POGLUT1: variants seen among roughly 807,000 people sequenced by gnomAD.
The protein encoded by POGLUT1 is protein O-glucosyltransferase 1.
POGLUT1 carries 32 observed loss-of-function variants against 61.3 expected under a neutral mutation model. The ratio of observed to expected loss-of-function variants is 0.52; its 90% confidence interval spans 0.39 to 0.70. POGLUT1 has a LOEUF of 0.70. POGLUT1 is among the 30% of genes least tolerant of loss of function. POGLUT1 has a pLI of 0.00. For synonymous variants in POGLUT1, 158 were observed against 158.2 expected (o/e 1.00, Z 0.01); for missense variants, 411 against 469.8 (o/e 0.87, Z 1.16).
chr3:119,482,213 G>A (rs373003950), intron 5 of POGLUT1, among the ~76,000 whole-genome samples: 3 of 152,060 alleles, frequency 2.0e-5, no homozygotes, highest in East Asian at 3.9e-4. Context: ...CCATGCAGCT[G>A]CTTTGTTTTC....
rs1453603805 is a variant in POGLUT1, at chr3:119,477,410, T to C, written c.418T>C (p.Trp140Arg). Reference sequence around the variant, plus strand: ...ACGAGATTATCCTCAGGTTCCTAAATGGATGGAGCCTGCCATCCCAGTCTT... The same window carrying C: ...ACGAGATTATCCTCAGGTTCCTAAACGGATGGAGCCTGCCATCCCAGTCTT... Reference protein sequence around the residue: ...NVRDYPQVPKWMEPAIPVFSF... With the variant: ...NVRDYPQVPKRMEPAIPVFSF... Residue 140 changes from tryptophan to arginine, a missense_variant, in exon 4 of 11, where the codon TGG (tryptophan) becomes CGG (arginine). Coordinates refer to ENST00000295588, the MANE Select transcript of POGLUT1 (RefSeq NM_152305.3). The C allele has an allele frequency of 1.2e-6, 2 of 1,614,120 alleles. No individual in the cohort carries two copies. The highest frequency in any genetic ancestry group is 1.7e-6 in the Non-Finnish European group (2 of 1,179,932).
intron 9 of POGLUT1, 106 bp downstream of exon 9, chr3:119,490,824 A>AT (rs1192800864): frequency 3.3e-6 from 3 of 922,556 alleles, no homozygotes; most frequent in South Asian, 1.9e-5. Context: ...TAGTCCTACG[A>AT]TTTTTTTCCA....
intron 4 of POGLUT1, chr3:119,478,559 G>T (rs1029954894): frequency 2.8e-6 from 1 of 360,618 alleles, no homozygotes; most frequent in Admixed American, 3.8e-5. Context: ...CTAACTTTCC[G>T]TTCATCTTTA....
chr3:119,485,619 A>G (rs2081655891), intron 6 of POGLUT1, among the ~76,000 whole-genome samples: 1 of 152,252 alleles, frequency 6.6e-6, no homozygotes. Flanking sequence ...CATTTAACAG[A>G]TATTTTACAT....
At chr3:119,476,332 T>C (rs1381996736) in intron 3 of POGLUT1, among the ~76,000 whole-genome samples, 1 of 152,194 alleles carries the variant, frequency 6.6e-6, no homozygotes, top group African/African-American at 2.4e-5. Context: ...ATTGGTAAAA[T>C]TGGTATCTAG....
rs1300579820 is a variant in POGLUT1 at position 119,486,877 on chromosome 3, A to T, written c.683A>T (p.Asn228Ile). The change falls in exon 7 of 11, where the codon AAC (asparagine) becomes ATC (isoleucine). Residue 228 changes from asparagine to isoleucine, a missense_variant. Asn to Ile is a moderately radical substitution (Grantham distance 149). Coordinates refer to ENST00000295588, the MANE Select transcript of POGLUT1 (RefSeq NM_152305.3). Reference sequence around the variant, plus strand: ...CCTCTCATTCTTCTGTCTCGGAAAAACCCAAAACTTGTTGATGCAGAATAC... The same window carrying T: ...CCTCTCATTCTTCTGTCTCGGAAAATCCCAAAACTTGTTGATGCAGAATAC... ...RDPLILLSRK[N>I]PKLVDAEYTK... is the part of the protein sequence containing the mutation. The T allele has an allele frequency of 3.7e-6, 6 of 1,613,854 alleles. No individual in the cohort carries two copies. The East Asian group carries it at 8.9e-5, about 24-fold the overall frequency.
At chr3:119,471,856 G>A (rs1424066472) in intron 3 of POGLUT1, 2 of 241,414 alleles carry the variant, frequency 8.3e-6, no homozygotes, top group Admixed American at 5.6e-5. Context: ...AGGTGGTAGA[G>A]TCAAGAGGAG....
chr3:119,489,709 C>G (rs1427204007), intron 8 of POGLUT1: 1 of 152,124 alleles, frequency 6.6e-6, no homozygotes, highest in Non-Finnish European at 1.5e-5. Flanking sequence ...GGGTCCCCAA[C>G]CCCCTGCCAT....
At chr3:119,478,074 A>C (rs781391164) in intron 4 of POGLUT1, 24 of 320,840 alleles carry the variant, frequency 7.5e-5, no homozygotes, top group Non-Finnish European at 1.4e-4. Context: ...GGGGGCAAGG[A>C]ATGTCTTGTC....
intron 3 of POGLUT1, among the ~76,000 whole-genome samples, chr3:119,473,659 A>G (rs1577077151): frequency 6.6e-6 from 1 of 150,420 alleles, no homozygotes; most frequent in African/African-American, 2.5e-5. Context: ...ACGTCTAGAT[A>G]CTTTTTTTTT....
At chr3:119,480,405 C>T (rs1373237640) in intron 5 of POGLUT1, among the ~76,000 whole-genome samples, 1 of 151,968 alleles carries the variant, frequency 6.6e-6, no homozygotes, top group African/African-American at 2.4e-5. Flanking sequence ...TGTGCCACCA[C>T]ACCCGGCTAA....
At chr3:119,478,547 T>A in intron 4 of POGLUT1, 1 of 376,798 alleles carries the variant, frequency 2.7e-6, no homozygotes, top group South Asian at 2.0e-5. Flanking sequence ...ACCGTCGGTA[T>A]ACTAACTTTC....
chr3:119,488,906 A>G (rs920549250), intron 7 of POGLUT1, 23 bp from the exon 8 acceptor site: 1 of 1,444,272 alleles, frequency 6.9e-7, no homozygotes, highest in Non-Finnish European at 9.7e-7. Flanking sequence ...TGTTAATACT[A>G]ATAACTTCCT....
At chr3:119,469,399 T>G (rs2081439564) in intron 1 of POGLUT1, 2 of 566,350 alleles carry the variant, frequency 3.5e-6, no homozygotes, top group Non-Finnish European at 6.3e-6. Flanking sequence ...TGGACCTGCC[T>G]GAAACACTGA....
intron 3 of POGLUT1, among the ~76,000 whole-genome samples, chr3:119,475,999 CATACAG>C (rs757738143): frequency 2.2e-5 from 2 of 90,056 alleles, no homozygotes; most frequent in African/African-American, 1.4e-4. Flanking sequence ...CACACAAACA[CATACAG>C]AGTTGCCAGG....
intron 3 of POGLUT1, among the ~76,000 whole-genome samples, chr3:119,473,091 C>T (rs1395292956): frequency 1.3e-5 from 2 of 152,042 alleles, no homozygotes; most frequent in African/African-American, 2.4e-5. Flanking sequence ...ATCTCACTAC[C>T]CTGAGGAAAT....
intron 7 of POGLUT1, among the ~76,000 whole-genome samples, chr3:119,487,529 G>T (rs2107715651): frequency 6.6e-6 from 1 of 152,282 alleles, no homozygotes; most frequent in African/African-American, 2.4e-5. Flanking sequence ...AGAGATTGCA[G>T]TGAGCCGAGA....
chr3:119,481,939 A>T (rs1220248822), intron 5 of POGLUT1, among the ~76,000 whole-genome samples: 1 of 152,062 alleles, frequency 6.6e-6, no homozygotes, highest in Non-Finnish European at 1.5e-5. Flanking sequence ...GTTGTTTTTT[A>T]AAATTTTTTG....
chr3:119,481,553 G>A (rs541887671), intron 5 of POGLUT1, among the ~76,000 whole-genome samples: 26 of 152,280 alleles, frequency 1.7e-4, no homozygotes, highest in African/African-American at 5.3e-4. Context: ...CTGAAGAAAC[G>A]TACAGGGCTG....
Sources: gnomAD v4.1 joint callset for allele counts (sites outside exome capture counted in the v4.1 genomes callset) on GRCh38, gnomAD v4.1.1 for gene constraint, MANE v1.5 for transcripts, NCBI Gene and HGNC (gene_info 2026-07-23, HGNC 2026-07-21) for gene names.